The following LSM11 variants were observed in gnomAD, a reference collection of about 807,000 sequenced individuals.
LSM11 encodes the protein U7 snRNA-associated Sm-like protein LSm11.
A neutral mutation model predicts 28.1 loss-of-function variants in LSM11; 14 were observed. The observed-to-expected ratio is 0.50, with a 90% CI of 0.33 to 0.78. The LOEUF (loss-of-function observed/expected upper bound fraction) is 0.78, where lower values mean the gene tolerates loss of function less well. LSM11 is among the 30% of genes least tolerant of loss of function. The pLI is 0.02. For synonymous variants in LSM11, 207 were observed against 214.2 expected, an observed-to-expected ratio of 0.97 and a Z score of 0.30; for missense variants, 495 against 510.6, an observed-to-expected ratio of 0.97 and a Z score of 0.30.
chr5:157,749,217 T>C (rs918814904), intron 1 of LSM11, among the ~76,000 whole-genome samples: 2 of 152,244 alleles, frequency 1.3e-5, no homozygotes, highest in African/African-American at 4.8e-5. Flanking sequence ...CTGCTTGCCC[T>C]TTCTATTTTT....
At position 157,751,322 on chromosome 5, in the gene LSM11, G is replaced by T. The variant is rs1461749223; in HGVS notation, c.449-68G>T. 4.0e-6 allele frequency: 6 copies of T among 1,490,114 alleles called. No homozygotes were observed. In the Admixed American group the frequency reaches 1.5e-4, roughly 36 times the overall value. The allele number at this position is 1,490,114 out of a possible 1,614,324, so 92.3% of individuals were successfully genotyped here. On this transcript the variant is annotated intron_variant, in intron 1 of 3. Transcript: ENST00000286307. Reference sequence around the variant, plus strand: ...ACATGTTGCTGGCCGAAGTTGGGTGGTCGTGGCTTAATTCTGGGAATGAGG... The same window carrying T: ...ACATGTTGCTGGCCGAAGTTGGGTGTTCGTGGCTTAATTCTGGGAATGAGG...
intron 1 of LSM11, among the ~76,000 whole-genome samples, chr5:157,750,477 A>T (rs1052296834): frequency 2.0e-5 from 3 of 152,208 alleles, no homozygotes; most frequent in Non-Finnish European, 1.5e-5. Flanking sequence ...TAGGAGCCAG[A>T]TACTCAGCCA....
chr5:157,747,681 AT>A (rs1161087863), intron 1 of LSM11: 2 of 155,250 alleles, frequency 1.3e-5, no homozygotes, highest in African/African-American at 4.8e-5. Flanking sequence ...ATAAAGTGAT[AT>A]TCTTTGGATA....
Position 157,755,375 on chromosome 5 carries a change from C to A in LSM11, c.*111C>A. 1 of 1,224,444 alleles carries A rather than the reference C, an allele frequency of 8.2e-7. No individual in the cohort carries two copies. The allele number at this position is 1,224,444 out of a possible 1,614,324, so 75.8% of individuals were successfully genotyped here. On this transcript the variant is annotated 3_prime_UTR_variant, in exon 4 of 4. Transcript: ENST00000286307. ...GTTGGAATGATTCCCTCTGGTCCTG[C>A]ATATGCAGAGGACGGAGCAGGCTCA...
At chr5:157,748,548 T>C (rs1761178716) in intron 1 of LSM11, among the ~76,000 whole-genome samples, 1 of 152,218 alleles carries the variant, frequency 6.6e-6, no homozygotes, top group Non-Finnish European at 1.5e-5. Context: ...ACATCCCTTC[T>C]GAATCACCCT....
At position 157,754,838 on chromosome 5, in the gene LSM11, A is replaced by G. The variant is rs1304399718; in HGVS notation, c.673-16A>G. 3 of 1,601,398 alleles carry G rather than the reference A, an allele frequency of 1.9e-6. No individual in the cohort carries two copies. The South Asian group carries it at 3.4e-5, about 18-fold the overall frequency. ...GCTAAAGAGAAGGCTAATATTTATC[A>G]TTGTTTGCTTTATAGCTATTTGATC... is the stretch of plus-strand genomic sequence containing the variant. On this transcript the variant is annotated splice_polypyrimidine_tract_variant and intron_variant, in intron 3 of 3. Coordinates refer to ENST00000286307, the MANE Select transcript of LSM11 (RefSeq NM_173491.4).
At chr5:157,745,829 G>A (rs1339897881) in intron 1 of LSM11, among the ~76,000 whole-genome samples, 1 of 152,148 alleles carries the variant, frequency 6.6e-6, no homozygotes, top group African/African-American at 2.4e-5. Context: ...AGGCATTGAC[G>A]TCGCACAGAG....
Position 157,744,123 on chromosome 5 carries a change from G to T in LSM11, c.373G>T (p.Gly125Trp). Residue 125 changes from glycine to tryptophan, a missense_variant, in exon 1 of 4, where the codon GGG becomes TGG. Transcript: ENST00000286307. The stretch of plus-strand genomic sequence containing the variant: ...CATGGTGGCCAAAGAGGAAGGGGAC[G>T]GGGCCGCAGGAGCGGGCCGGAGGGG... Reference protein sequence around the residue: ...RLMVAKEEGDGAAGAGRRGPG... With the variant: ...RLMVAKEEGDWAAGAGRRGPG... 1 of 1,478,768 alleles carries T rather than the reference G, an allele frequency of 6.8e-7. No homozygotes were observed. Among genetic ancestry groups the T allele is most frequent in the Non-Finnish European group, 8.9e-7 (1 of 1,119,152 alleles). 91.6% of individuals were successfully genotyped at this position (1,478,768 alleles called of 1,614,324 possible).
intron 1 of LSM11, among the ~76,000 whole-genome samples, chr5:157,746,337 A>C (rs540750421): frequency 1.6e-4 from 24 of 152,368 alleles, no homozygotes; most frequent in African/African-American, 4.8e-4. Context: ...CAGCAAGAAG[A>C]AGCTTTGTTA....
chr5:157,750,723 A>G (rs1161123991), intron 1 of LSM11, among the ~76,000 whole-genome samples: 1 of 152,204 alleles, frequency 6.6e-6, no homozygotes, highest in Non-Finnish European at 1.5e-5. Context: ...AATTGTCTTA[A>G]GGCACAGAAT....
intron 1 of LSM11, 25 bp from the exon 2 acceptor site, chr5:157,751,365 C>A: frequency 6.4e-7 from 1 of 1,564,954 alleles, no homozygotes; most frequent in Admixed American, 2.1e-5. Flanking sequence ...TTAAAACTGT[C>A]CTGACTGTTC....
At chr5:157,752,844 A>C (rs1428514432) in intron 2 of LSM11, among the ~76,000 whole-genome samples, 4 of 40,882 alleles carry the variant, frequency 9.8e-5, no homozygotes, top group Non-Finnish European at 2.1e-4. Flanking sequence ...AGACTCTGTC[A>C]AAAAAAAAAA....
At chr5:157,752,162 CTT>C (rs3045954) in intron 2 of LSM11, among the ~76,000 whole-genome samples, 27 of 140,056 alleles carry the variant, frequency 1.9e-4, no homozygotes, top group Non-Finnish European at 2.5e-4. Context: ...TGCATGATGT[CTT>C]TTTTTTTTTT....
intron 1 of LSM11, among the ~76,000 whole-genome samples, chr5:157,746,697 G>T (rs1032944507): frequency 6.6e-6 from 1 of 152,138 alleles, no homozygotes; most frequent in Non-Finnish European, 1.5e-5. Context: ...AACACTTGAG[G>T]CCAGGAGTTC....
chr5:157,751,966 T>G (rs1761239218), intron 2 of LSM11, among the ~76,000 whole-genome samples: 1 of 152,168 alleles, frequency 6.6e-6, no homozygotes, highest in Non-Finnish European at 1.5e-5. Context: ...TTTTATCGGT[T>G]TAGTAATTTT....
Position 157,744,179 on chromosome 5 carries a change from C to T in LSM11, c.429C>T (p.Asn143=). The change falls in exon 1 of 4, where the codon AAC becomes AAT. Residue 143 remains asparagine (N), a synonymous_variant. Coordinates refer to ENST00000286307, the MANE Select transcript of LSM11 (RefSeq NM_173491.4). ...GPGRSRKAPR[N]VLTRMPLHEG... ...GTCGGAGCAGGAAGGCGCCACGCAA[C>T]GTGCTCACGCGAATGCCCTGTGAGT... 1 of 1,343,176 alleles carries T rather than the reference C, an allele frequency of 7.4e-7. No homozygotes were observed. The highest frequency in any genetic ancestry group is 1.8e-5 in the South Asian group (1 of 54,680). 83.2% of individuals were successfully genotyped at this position (1,343,176 alleles called of 1,614,324 possible). A position where few individuals can be genotyped will look rare whatever the true frequency, so the allele number is the denominator to read the frequency against.
intron 1 of LSM11, among the ~76,000 whole-genome samples, chr5:157,751,162 G>A (rs1004629681): frequency 2.0e-5 from 3 of 152,154 alleles, no homozygotes; most frequent in African/African-American, 7.2e-5. Context: ...GAAACATTTG[G>A]CTGATATTCA....
chr5:157,744,583 A>C (rs1438868764), intron 1 of LSM11, among the ~76,000 whole-genome samples: 2 of 152,088 alleles, frequency 1.3e-5, no homozygotes, highest in Non-Finnish European at 2.9e-5. Context: ...GCGGGGCTAC[A>C]GAGTTTGGGG....
chr5:157,754,150 C>G, intron 3 of LSM11, 63 bp downstream of exon 3: 1 of 1,156,218 alleles, frequency 8.6e-7, no homozygotes, highest in Non-Finnish European at 1.2e-6. Context: ...GAATTAAGAT[C>G]CCTGAGCCCA....
Sources: gnomAD v4.1 joint callset for allele counts (sites outside exome capture counted in the v4.1 genomes callset) on GRCh38, gnomAD v4.1.1 for gene constraint, MANE v1.5 for transcripts, NCBI Gene and HGNC (gene_info 2026-07-23, HGNC 2026-07-21) for gene names.